The following ZNF227 variants were observed in gnomAD, a reference collection of about 807,000 sequenced individuals.
ZNF227 encodes zinc finger protein 227.
A neutral mutation model predicts 13.2 loss-of-function variants in ZNF227; 12 were observed. The ratio of observed to expected loss-of-function variants is 0.91; its 90% CI spans 0.58 to 1.47. ZNF227 has a LOEUF of 1.47. Ranked by LOEUF, ZNF227 falls within the 40% of genes most tolerant of loss-of-function variation. ZNF227 has a pLI of 0.00. For missense variants in ZNF227, 885 were observed against 967.5 expected, an observed-to-expected ratio of 0.91 and a Z score of 1.13; for synonymous variants, 338 against 326.0, an observed-to-expected ratio of 1.04 and a Z score of -0.40.
chr19:44,236,457 T>C lies in ZNF227; in HGVS notation c.2027T>C (p.Ile676Thr). 6.2e-7 allele frequency: 1 copy of C among 1,613,002 alleles called. No individual in the cohort carries two copies. The highest frequency in any genetic ancestry group is 8.5e-7 in the Non-Finnish European group (1 of 1,179,760). ...GGCTTTAGATACAGTTCGCAGTTTATATACCATCAGAGAGGCCACACTGGA... is the reference window on the plus strand; with the variant it reads ...GGCTTTAGATACAGTTCGCAGTTTACATACCATCAGAGAGGCCACACTGGA... ...GKGFRYSSQF[I>T]YHQRGHTGEK... The change falls in exon 6 of 6, where the codon ATA (isoleucine) becomes ACA (threonine). Residue 676 changes from isoleucine (I) to threonine (T), a missense_variant. By Grantham distance (89) the Ile-to-Thr change is moderately conservative (BLOSUM62 -1). Coordinates refer to ENST00000313040, the MANE Select transcript of ZNF227 (RefSeq NM_182490.3).
intron 3 of ZNF227, among the ~76,000 whole-genome samples, chr19:44,223,342 C>G (rs1453108421): frequency 6.6e-6 from 1 of 152,180 alleles, no homozygotes; most frequent in East Asian, 1.9e-4. Flanking sequence ...AGGAATGGTA[C>G]CAGCTCCTCC....
At chr19:44,228,250 C>T (rs1973388732) in intron 3 of ZNF227, 196 bp from the exon 4 acceptor site, 13 of 518,394 alleles carry the variant, frequency 2.5e-5, no homozygotes, top group Non-Finnish European at 4.2e-5. Flanking sequence ...AAACAAAAAA[C>T]AGTGATAAAC....
chr19:44,234,594 TG>T, intron 5 of ZNF227, 107 bp from the exon 6 acceptor site: 2 of 1,051,052 alleles, frequency 1.9e-6, no homozygotes, highest in African/African-American at 1.6e-5. Flanking sequence ...ACCTTTCGCC[TG>T]GTTTATCAAG....
At chr19:44,223,686 T>C (rs1972793775) in intron 3 of ZNF227, among the ~76,000 whole-genome samples, 1 of 152,194 alleles carries the variant, frequency 6.6e-6, no homozygotes, top group Non-Finnish European at 1.5e-5. Context: ...TAGCGGTCTA[T>C]CAATTTTGTT....
intron 3 of ZNF227, among the ~76,000 whole-genome samples, chr19:44,226,228 C>T (rs1973138099): frequency 6.6e-6 from 1 of 152,210 alleles, no homozygotes; most frequent in African/African-American, 2.4e-5. Flanking sequence ...GCTTGGAGGT[C>T]AAGGACCCAC....
At position 44,217,865 on chromosome 19, in the gene ZNF227, T is replaced by C; in HGVS notation, c.60+13T>C. On this transcript the variant is annotated intron_variant, in intron 3 of 5. Coordinates refer to ENST00000313040, the MANE Select transcript of ZNF227 (RefSeq NM_182490.3). The stretch of plus-strand genomic sequence containing the variant: ...GACCAAGTTTCAGGTACGTAAAGGA[T>C]TCCTTGCTGTCTTTTAAAATGTGAT... The C allele has an allele frequency of 6.2e-7, 1 of 1,613,220 alleles. No individual in the cohort carries two copies. The highest frequency in any genetic ancestry group is 2.2e-5 in the East Asian group (1 of 44,878).
At chr19:44,216,448 T>C (rs1235124199) in intron 2 of ZNF227, among the ~76,000 whole-genome samples, 2 of 152,176 alleles carry the variant, frequency 1.3e-5, no homozygotes, top group Non-Finnish European at 2.9e-5. Context: ...TTTAGTCTTT[T>C]GCATTTCTGA....
chr19:44,232,685 G>T (rs867571368), intron 5 of ZNF227, among the ~76,000 whole-genome samples: 1,932 of 95,286 alleles, frequency 0.02, 13 homozygotes, highest in African/African-American at 0.056. Context: ...TTTTTTTTTT[G>T]TAGACGGAGT....
At chr19:44,219,660 A>G (rs544523661) in intron 3 of ZNF227, among the ~76,000 whole-genome samples, 17 of 152,198 alleles carry the variant, frequency 1.1e-4, no homozygotes, top group African/African-American at 4.1e-4. Context: ...AGATTCAGGA[A>G]TGCTTGTACT....
intron 3 of ZNF227, among the ~76,000 whole-genome samples, chr19:44,219,499 A>G (rs889631871): frequency 2.0e-5 from 3 of 148,974 alleles, no homozygotes; most frequent in Non-Finnish European, 4.6e-5. Context: ...GGAGTGTCAT[A>G]AAGAAAAGAA....
intron 5 of ZNF227, among the ~76,000 whole-genome samples, chr19:44,231,966 C>G (rs1973890649): frequency 1.3e-5 from 2 of 152,198 alleles, no homozygotes; most frequent in Admixed American, 1.3e-4. Flanking sequence ...GTTGGCTTTA[C>G]TCATTGGTGA....
chr19:44,229,829 G>GT lies in ZNF227; in HGVS notation c.271+14dup, dbSNP rs777492964. The GT allele has an allele frequency of 6.5e-7, 1 of 1,539,420 alleles. No individual in the cohort carries two copies. The highest frequency in any genetic ancestry group is 2.3e-5 in the East Asian group (1 of 43,266). On this transcript the variant is annotated intron_variant, in intron 5 of 5. Coordinates refer to ENST00000313040, the MANE Select transcript of ZNF227 (RefSeq NM_182490.3). ...GAAACCCAAAGAAGTAGGTATTCTG[G>GT]TGAGAACCCTGTGTCTGTTCTTTCA...
chr19:44,224,260 A>G (rs548942777), intron 3 of ZNF227, among the ~76,000 whole-genome samples: 78 of 152,230 alleles, frequency 5.1e-4, no homozygotes, highest in African/African-American at 1.9e-3. Context: ...TTTGGGGTGG[A>G]GAGTTCTGTA....
rs773640035 is a variant in ZNF227, at chr19:44,236,685, G to T, written c.2255G>T (p.Gly752Val). 14 of 1,613,794 alleles carry T rather than the reference G, an allele frequency of 8.7e-6. No homozygotes were observed. Among genetic ancestry groups the T allele is most frequent in the Non-Finnish European group, 1.2e-5 (14 of 1,179,994 alleles). ...KLFKCEECGK[G>V]FSQSARLEAH... is the part of the protein sequence containing the mutation. ...TTTAAATGTGAAGAGTGTGGTAAAGGCTTCAGTCAGAGTGCACGTCTTGAA... is the reference window on the plus strand; with the variant it reads ...TTTAAATGTGAAGAGTGTGGTAAAGTCTTCAGTCAGAGTGCACGTCTTGAA... The change falls in exon 6 of 6, where the codon GGC becomes GTC. Residue 752 changes from glycine to valine, a missense_variant. By Grantham distance (109) the Gly-to-Val change is moderately radical. Transcript: ENST00000313040.
At chr19:44,233,738 A>G (rs977368015) in intron 5 of ZNF227, among the ~76,000 whole-genome samples, 4 of 152,152 alleles carry the variant, frequency 2.6e-5, no homozygotes, top group South Asian at 2.1e-4. Flanking sequence ...TCTACTAAAA[A>G]TACAAAAATT....
At chr19:44,232,075 A>G (rs1292786927) in intron 5 of ZNF227, among the ~76,000 whole-genome samples, 2 of 152,202 alleles carry the variant, frequency 1.3e-5, no homozygotes, top group Non-Finnish European at 2.9e-5. Flanking sequence ...GTTCTTTAGC[A>G]GTTTTGAATT....
At chr19:44,220,482 GA>G (rs1166777325) in intron 3 of ZNF227, among the ~76,000 whole-genome samples, 2 of 150,074 alleles carry the variant, frequency 1.3e-5, no homozygotes, top group African/African-American at 2.5e-5. Flanking sequence ...AATGTTAATA[GA>G]AAAAAAATGC....
At chr19:44,220,351 C>T (rs1036086052) in intron 3 of ZNF227, among the ~76,000 whole-genome samples, 1 of 152,098 alleles carries the variant, frequency 6.6e-6, no homozygotes, top group South Asian at 2.1e-4. Context: ...TGAGGAATTG[C>T]CACACTGACT....
At chr19:44,221,099 T>C (rs1025947730) in intron 3 of ZNF227, among the ~76,000 whole-genome samples, 5 of 152,132 alleles carry the variant, frequency 3.3e-5, no homozygotes, top group Admixed American at 2.0e-4. Flanking sequence ...CTATTGTGAA[T>C]AGTGCTGCAA....
Sources: gnomAD v4.1 joint callset for allele counts (sites outside exome capture counted in the v4.1 genomes callset) on GRCh38, gnomAD v4.1.1 for gene constraint, MANE v1.5 for transcripts, NCBI Gene and HGNC (gene_info 2026-07-23, HGNC 2026-07-21) for gene names.